STX2: variants seen among roughly 807,000 people sequenced by gnomAD.
STX2 encodes the protein syntaxin-2.
A neutral mutation model predicts 40.6 loss-of-function variants in STX2; 27 were observed. The ratio of observed to expected loss-of-function variants is 0.66; its 90% CI spans 0.49 to 0.92. STX2 has a LOEUF of 0.92. Among genes scored for constraint, STX2 ranks in the 40% least tolerant of loss-of-function variants. The pLI is 0.00. For synonymous variants in STX2, 123 were observed against 119.1 expected, an observed-to-expected ratio of 1.03 and a Z score of -0.22; for missense variants, 328 against 366.1, an observed-to-expected ratio of 0.90 and a Z score of 0.85.
chr12:130,819,334 CCTTT>C (rs1952024497), intron 3 of STX2, among the ~76,000 whole-genome samples: 1 of 129,486 alleles, frequency 7.7e-6, no homozygotes, highest in African/African-American at 2.8e-5. Flanking sequence ...CTCCCCTCTT[CCTTT>C]AGGAACAAGG....
chr12:130,824,298 T>C (rs957445590), intron 2 of STX2, among the ~76,000 whole-genome samples: 10 of 151,872 alleles, frequency 6.6e-5, no homozygotes, highest in Admixed American at 3.3e-4. Flanking sequence ...GACAAGAGAA[T>C]TGCTTGAACC....
At chr12:130,813,154 GA>G in intron 3 of STX2, 123 bp from the exon 4 acceptor site, 1 of 603,092 alleles carries the variant, frequency 1.7e-6, no homozygotes, top group Non-Finnish European at 2.6e-6. Flanking sequence ...TTTTCTGTAA[GA>G]AAAACTACCG....
At chr12:130,817,564 C>G (rs547978117) in intron 3 of STX2, among the ~76,000 whole-genome samples, 3 of 151,892 alleles carry the variant, frequency 2.0e-5, no homozygotes, top group Non-Finnish European at 4.4e-5. Context: ...CAAAGTTTTT[C>G]AAAAACACAG....
At chr12:130,835,503 A>C (rs148058636) in intron 1 of STX2, among the ~76,000 whole-genome samples, 1 of 152,342 alleles carries the variant, frequency 6.6e-6, no homozygotes, top group Non-Finnish European at 1.5e-5. Flanking sequence ...ATATAAATAC[A>C]TCAATGTTCA....
chr12:130,807,374 C>T (rs541243670), intron 5 of STX2, among the ~76,000 whole-genome samples: 48 of 152,342 alleles, frequency 3.2e-4, no homozygotes, highest in Admixed American at 7.8e-4. Context: ...CTGATAAACA[C>T]AGATCAGCAC....
In STX2 at chr12:130,808,598, ATTACT is replaced by A. The variant is rs759929225; in HGVS notation, c.354+28_354+32del. ...AAAGTAAAAACACTTATTCTGCGAC[ATTACT>A]TTAATCTAAACGAGGCTGATAGCAA... On this transcript the variant is annotated intron_variant, in intron 5 of 10. Coordinates refer to ENST00000392373, the MANE Select transcript of STX2 (RefSeq NM_194356.4). The A allele has an allele frequency of 5.1e-6, 8 of 1,575,572 alleles. No homozygotes were observed. The Admixed American group carries it at 1.5e-4, about 29-fold the overall frequency.
chr12:130,824,793 C>T (rs1952239200), intron 2 of STX2, among the ~76,000 whole-genome samples: 1 of 152,150 alleles, frequency 6.6e-6, no homozygotes, highest in Non-Finnish European at 1.5e-5. Flanking sequence ...ACATTATTTG[C>T]TTCTGTATTT....
chr12:130,822,457 G>T (rs1024689462), intron 2 of STX2, among the ~76,000 whole-genome samples: 1 of 152,076 alleles, frequency 6.6e-6, no homozygotes, highest in African/African-American at 2.4e-5. Context: ...ACTCTTATGG[G>T]AGGAGGTATC....
At position 130,808,698 on chromosome 12, in the gene STX2, T is replaced by C. The variant is rs758380178; in HGVS notation, c.287A>G (p.Glu96Gly). The stretch of plus-strand genomic sequence containing the variant: ...ACTCTCATCCTGATCAAAACTTTGT[T>C]CAATAGCTAGGAACAAATAGGAAAT... The part of the protein sequence containing the change: ...NKIRAKLKAI[E>G]QSFDQDESGN... The change falls in exon 5 of 11, where the codon GAA (glutamate) becomes GGA (glycine). Residue 96 changes from glutamate to glycine, a missense_variant. Glu to Gly is a moderately conservative substitution (Grantham distance 98). Coordinates refer to ENST00000392373, the MANE Select transcript of STX2 (RefSeq NM_194356.4). 8 of 1,610,856 alleles carry C rather than the reference T, an allele frequency of 5.0e-6. No individual in the cohort carries two copies. Among genetic ancestry groups the C allele is most frequent in the Non-Finnish European group, 6.8e-6 (8 of 1,179,128 alleles).
intron 3 of STX2, among the ~76,000 whole-genome samples, chr12:130,818,304 G>T (rs1951966176): frequency 6.7e-6 from 1 of 149,034 alleles, no homozygotes; most frequent in Admixed American, 6.7e-5. Context: ...CCAGGAGGCT[G>T]AGCCTGCAGT....
chr12:130,823,369 C>T, intron 2 of STX2, among the ~76,000 whole-genome samples: 1 of 152,210 alleles, frequency 6.6e-6, no homozygotes, highest in East Asian at 1.9e-4. Context: ...GCACAATCCA[C>T]ACCCTAATCC....
rs1950843418 is a variant in STX2, at chr12:130,790,268, G to A, written c.*1755C>T. On this transcript the variant is annotated 3_prime_UTR_variant, in exon 11 of 11. Transcript: ENST00000392373. The stretch of plus-strand genomic sequence containing the variant: ...TCATGGATGAGGGAGATTCGGAATT[G>A]TGTTAAGTAAGGGACGCGGCTTCTG... 1 of 152,222 alleles carries A rather than the reference G, an allele frequency of 6.6e-6. No individual in the cohort carries two copies. The highest frequency in any genetic ancestry group is 6.5e-5 in the Admixed American group (1 of 15,282). 9.4% of individuals were successfully genotyped at this position (152,222 alleles called of 1,614,324 possible). A position where few individuals can be genotyped will look rare whatever the true frequency, so the allele number is the denominator to read the frequency against.
intron 8 of STX2, 66 bp downstream of exon 8, chr12:130,801,087 T>TG: frequency 6.6e-7 from 1 of 1,526,568 alleles, no homozygotes; most frequent in Non-Finnish European, 8.9e-7. Context: ...CTAGACAGAG[T>TG]GGGATGCAGT....
chr12:130,834,460 G>A (rs1952687903), intron 1 of STX2, among the ~76,000 whole-genome samples: 1 of 152,124 alleles, frequency 6.6e-6, no homozygotes, highest in Non-Finnish European at 1.5e-5. Flanking sequence ...GCAGGGAGGA[G>A]GGGCGTATCA....
chr12:130,835,641 T>G (rs1017125415), intron 1 of STX2, among the ~76,000 whole-genome samples: 3 of 152,176 alleles, frequency 2.0e-5, no homozygotes, highest in African/African-American at 7.2e-5. Context: ...CCAGGCTGCA[T>G]GCATCCCCAC....
chr12:130,792,915 G>A (rs1042626511), intron 10 of STX2, among the ~76,000 whole-genome samples: 4 of 152,190 alleles, frequency 2.6e-5, no homozygotes, highest in Non-Finnish European at 5.9e-5. Context: ...ACAAGGCAAA[G>A]CGAGACCACC....
At chr12:130,803,081 T>C (rs1363527259) in intron 6 of STX2, among the ~76,000 whole-genome samples, 1 of 152,266 alleles carries the variant, frequency 6.6e-6, no homozygotes, top group African/African-American at 2.4e-5. Flanking sequence ...ATCATTCACA[T>C]ATTAAGAGAT....
At chr12:130,796,954 G>A (rs187876475) in intron 9 of STX2, among the ~76,000 whole-genome samples, 64 of 152,308 alleles carry the variant, frequency 4.2e-4, no homozygotes, top group African/African-American at 1.3e-3. Flanking sequence ...CACTAGGAGT[G>A]GGGACGACCC....
rs1952360338 is a variant in STX2, at chr12:130,827,339, A to G, written c.31-72T>C. On this transcript the variant is annotated intron_variant, in intron 1 of 10. Coordinates refer to ENST00000392373, the MANE Select transcript of STX2 (RefSeq NM_194356.4). ...GCACAAATAGCGAACTGAAATACAAAAACAGTTCAATACCCACAAGATCTC... is the reference window on the plus strand; with the variant it reads ...GCACAAATAGCGAACTGAAATACAAGAACAGTTCAATACCCACAAGATCTC... 1.0e-5 allele frequency: 12 copies of G among 1,203,776 alleles called. No individual in the cohort carries two copies. In the Admixed American group the frequency reaches 1.6e-4, roughly 16 times the overall value. The allele number at this position is 1,203,776 out of a possible 1,614,324, so 74.6% of individuals were successfully genotyped here. A position where few individuals can be genotyped will look rare whatever the true frequency, so the allele number is the denominator to read the frequency against.
Sources: gnomAD v4.1 joint callset for allele counts (sites outside exome capture counted in the v4.1 genomes callset) on GRCh38, gnomAD v4.1.1 for gene constraint, MANE v1.5 for transcripts, NCBI Gene and HGNC (gene_info 2026-07-23, HGNC 2026-07-21) for gene names.